GABBR2: variants seen among roughly 807,000 people sequenced by gnomAD.
GABBR2 encodes G-protein coupled receptor 51.
Under a neutral mutation model 105.6 loss-of-function variants are expected in GABBR2, and 23 were observed. The observed-to-expected ratio is 0.22, with a 90% CI of 0.16 to 0.31. The LOEUF (loss-of-function observed/expected upper bound fraction) is 0.31. Ranked by LOEUF, GABBR2 falls within the 10% of genes least tolerant of loss-of-function variation. The pLI is 1.00. For synonymous variants in GABBR2, 478 were observed against 499.7 expected, an observed-to-expected ratio of 0.96 and a Z score of 0.58; for missense variants, 734 against 1,245.5, an observed-to-expected ratio of 0.59 and a Z score of 6.18.
rs562225408 is a variant in GABBR2, at chr9:98,542,270, C to T, written c.460-227G>A. The stretch of plus-strand genomic sequence containing the variant: ...AGGGAAAAAATAGCCAATGATCTAC[C>T]CCTCCCTAAAGAACCATCATTCATG... On this transcript the variant is annotated intron_variant, in intron 2 of 18. Transcript: ENST00000259455. 1.9e-3 allele frequency among the ~76,000 whole-genome samples: 294 copies of T among 152,062 alleles called. 2 individuals are homozygous for T. The highest frequency in any genetic ancestry group is 3.7e-3 in the Non-Finnish European group (249 of 67,990).
At chr9:98,566,028 G>A (rs1167982719) in intron 2 of GABBR2, among the ~76,000 whole-genome samples, 2 of 152,170 alleles carry the variant, frequency 1.3e-5, no homozygotes, top group African/African-American at 4.8e-5. Flanking sequence ...TAAGGCAGTG[G>A]TTCCCACCCA....
At chr9:98,380,801 C>T (rs62576564) in intron 11 of GABBR2, among the ~76,000 whole-genome samples, 16,050 of 152,254 alleles carry the variant, frequency 0.11, 1,049 homozygotes, top group African/African-American at 0.17. Flanking sequence ...CTCACACACG[C>T]ACCCACCCTC....
At chr9:98,418,307 G>A (rs1832723471) in intron 7 of GABBR2, among the ~76,000 whole-genome samples, 2 of 152,114 alleles carry the variant, frequency 1.3e-5, no homozygotes, top group Non-Finnish European at 2.9e-5. Context: ...GGGAGGCCAA[G>A]TGGGAGATTG....
At chr9:98,578,114 A>G in intron 1 of GABBR2, 42 bp from the exon 2 acceptor site, 1 of 1,609,388 alleles carries the variant, frequency 6.2e-7, no homozygotes. Context: ...AATTAGAAAC[A>G]GCTTTTCCCC....
chr9:98,559,131 T>TTTTTA (rs368063878), intron 2 of GABBR2, among the ~76,000 whole-genome samples: 6,223 of 152,262 alleles, frequency 0.041, 249 homozygotes, highest in African/African-American at 0.096. Flanking sequence ...AACTAATTTA[T>TTTTTA]TTTTATTTTA....
intron 1 of GABBR2, among the ~76,000 whole-genome samples, chr9:98,675,048 G>T (rs1410587545): frequency 6.6e-6 from 1 of 152,204 alleles, no homozygotes; most frequent in East Asian, 1.9e-4. Flanking sequence ...CAGGAAGCAT[G>T]TGTCTTCCCC....
chr9:98,511,571 GGATAT>G (rs951970481), intron 3 of GABBR2, among the ~76,000 whole-genome samples: 2 of 151,106 alleles, frequency 1.3e-5, no homozygotes, highest in Non-Finnish European at 2.9e-5. Flanking sequence ...ATGATAAAGG[GGATAT>G]CACCACCGAT....
At chr9:98,488,377 C>T (rs1469041160) in intron 4 of GABBR2, among the ~76,000 whole-genome samples, 2 of 152,042 alleles carry the variant, frequency 1.3e-5, no homozygotes, top group Non-Finnish European at 2.9e-5. Context: ...CAAAGCTGTC[C>T]CCTTAATGTG....
At chr9:98,663,331 TC>T (rs901829218) in intron 1 of GABBR2, among the ~76,000 whole-genome samples, 2 of 152,216 alleles carry the variant, frequency 1.3e-5, no homozygotes, top group African/African-American at 4.8e-5. Context: ...CTGGCTCTTC[TC>T]TGCAGACCGG....
chr9:98,574,518 G>A (rs1197479231), intron 2 of GABBR2, among the ~76,000 whole-genome samples: 14 of 152,192 alleles, frequency 9.2e-5, no homozygotes, highest in African/African-American at 3.1e-4. Flanking sequence ...CTCCAGCTGG[G>A]CCCCAAACAC....
intron 1 of GABBR2, among the ~76,000 whole-genome samples, chr9:98,679,027 A>T (rs994458141): frequency 2.0e-5 from 3 of 152,182 alleles, no homozygotes; most frequent in African/African-American, 7.2e-5. Context: ...CCCTCTTAGC[A>T]AATGGGAAAG....
intron 7 of GABBR2, among the ~76,000 whole-genome samples, chr9:98,445,729 G>A (rs1254246935): frequency 6.6e-6 from 1 of 152,254 alleles, no homozygotes; most frequent in East Asian, 1.9e-4. Context: ...CCTCCAGGCA[G>A]GAGGCACCAA....
intron 1 of GABBR2, among the ~76,000 whole-genome samples, chr9:98,600,841 TG>T (rs1390105828): frequency 3.3e-5 from 5 of 152,196 alleles, no homozygotes; most frequent in Non-Finnish European, 5.9e-5. Context: ...GGCCTCACTG[TG>T]GCAGGTGACT....
chr9:98,346,378 A>G (rs1383027472), intron 13 of GABBR2, among the ~76,000 whole-genome samples: 3 of 152,216 alleles, frequency 2.0e-5, no homozygotes, highest in African/African-American at 7.2e-5. Flanking sequence ...TCAAGAAACC[A>G]CTTTCTTTGC....
At chr9:98,701,561 A>T (rs1008119850) in intron 1 of GABBR2, among the ~76,000 whole-genome samples, 2 of 152,124 alleles carry the variant, frequency 1.3e-5, no homozygotes, top group Non-Finnish European at 1.5e-5. Flanking sequence ...GCAGACTCGA[A>T]TCGATGCACC....
chr9:98,677,165 G>A (rs547395599), intron 1 of GABBR2, among the ~76,000 whole-genome samples: 101 of 152,272 alleles, frequency 6.6e-4, no homozygotes, highest in East Asian at 1.4e-3. Context: ...CTGCACTACC[G>A]TTGCCCAAGT....
At chr9:98,566,824 C>T (rs1185188593) in intron 2 of GABBR2, among the ~76,000 whole-genome samples, 3 of 114,578 alleles carry the variant, frequency 2.6e-5, no homozygotes, top group African/African-American at 1.0e-4. Context: ...AAAAAAAAGG[C>T]GACAAAGAAA....
intron 1 of GABBR2, among the ~76,000 whole-genome samples, chr9:98,635,494 A>G (rs1398123503): frequency 1.3e-5 from 2 of 152,198 alleles, no homozygotes; most frequent in Non-Finnish European, 2.9e-5. Flanking sequence ...ACAGAGCCAG[A>G]ACTACTGCCT....
intron 4 of GABBR2, among the ~76,000 whole-genome samples, chr9:98,488,128 T>C (rs1364059898): frequency 1.3e-5 from 2 of 152,310 alleles, no homozygotes; most frequent in African/African-American, 4.8e-5. Flanking sequence ...CAGAAGGAAC[T>C]TGGCCGCACT....
Sources: allele counts gnomAD v4.1 joint callset (sites outside exome capture counted in the v4.1 genomes callset), GRCh38; gene constraint gnomAD v4.1.1; transcripts MANE v1.5; gene names NCBI Gene and HGNC (gene_info 2026-07-23, HGNC 2026-07-21).